The following DRC9 variants were observed in gnomAD, a reference collection of about 807,000 sequenced individuals.
DRC9 encodes dynein regulatory complex subunit 9.
At chr3:197,956,564 T>C in the DRC9 span, 1 of 152,020 alleles carries the variant, frequency 6.6e-6, no homozygotes, top group Non-Finnish European at 1.5e-5. Context: ...CTCCTAAATA[T>C]TTTAGATTTC....
At chr3:197,902,270 A>G in the DRC9 span, among the ~76,000 whole-genome samples, 1 of 152,190 alleles carries the variant, frequency 6.6e-6, no homozygotes, top group Non-Finnish European at 1.5e-5. Context: ...CCCAGACTGC[A>G]AGGACTACAA....
chr3:197,907,082 G>T, the DRC9 span, among the ~76,000 whole-genome samples: 1 of 152,030 alleles, frequency 6.6e-6, no homozygotes, highest in Non-Finnish European at 1.5e-5. Context: ...GGCACTTCAG[G>T]ATCCCATCAC....
chr3:197,920,875 C>T, the DRC9 span, among the ~76,000 whole-genome samples: 1 of 152,132 alleles, frequency 6.6e-6, no homozygotes, highest in Non-Finnish European at 1.5e-5. Flanking sequence ...GTATCTAAGG[C>T]AATTAATCCT....
chr3:197,937,932 C>T, the DRC9 span, among the ~76,000 whole-genome samples: 1 of 151,292 alleles, frequency 6.6e-6, no homozygotes, highest in African/African-American at 2.4e-5. Context: ...GTGACCTCGT[C>T]TCTAAAAAAT....
chr3:197,936,588 C>G, the DRC9 span, among the ~76,000 whole-genome samples: 12 of 152,118 alleles, frequency 7.9e-5, no homozygotes, highest in Non-Finnish European at 1.5e-5. Flanking sequence ...GTTTCAAACT[C>G]TTGGGCTCAA....
At chr3:197,949,990 G>A in the DRC9 span, 1 of 595,950 alleles carries the variant, frequency 1.7e-6, no homozygotes, top group East Asian at 3.5e-5. Context: ...GCCTTCCCTT[G>A]TTCCCAAGTA....
At chr3:197,909,086 G>A in the DRC9 span, among the ~76,000 whole-genome samples, 18 of 152,346 alleles carry the variant, frequency 1.2e-4, 1 homozygote, top group Middle Eastern at 6.8e-3. Context: ...AATCTGAGCA[G>A]GTGTTCTCAT....
chr3:197,905,186 T>C, the DRC9 span, among the ~76,000 whole-genome samples: 3 of 152,180 alleles, frequency 2.0e-5, no homozygotes, highest in African/African-American at 7.2e-5. Flanking sequence ...AGGGCGACCA[T>C]AGTCAATAAT....
the DRC9 span, among the ~76,000 whole-genome samples, chr3:197,955,043 C>T: frequency 3.3e-5 from 5 of 152,212 alleles, no homozygotes; most frequent in East Asian, 1.9e-4. Context: ...TCTCAATTTT[C>T]TCCTGTAATT....
chr3:197,893,817 T>C, the DRC9 span, among the ~76,000 whole-genome samples: 5 of 151,732 alleles, frequency 3.3e-5, no homozygotes, highest in Admixed American at 3.3e-4. Context: ...CACAGCACTC[T>C]AGCCTGGGTG....
At chr3:197,937,313 GT>G in the DRC9 span, among the ~76,000 whole-genome samples, 1 of 152,132 alleles carries the variant, frequency 6.6e-6, no homozygotes, top group Admixed American at 6.5e-5. Flanking sequence ...TTAAAACACA[GT>G]TTGGAATTTG....
At chr3:197,899,420 TA>T in the DRC9 span, among the ~76,000 whole-genome samples, 1 of 152,106 alleles carries the variant, frequency 6.6e-6, no homozygotes, top group Admixed American at 6.5e-5. Context: ...GTGGAATATA[TA>T]AACACAAAGT....
the DRC9 span, chr3:197,950,395 C>A: frequency 9.0e-7 from 1 of 1,114,428 alleles, no homozygotes; most frequent in Non-Finnish European, 1.1e-6. Context: ...GTGTTTGGTC[C>A]CCTGACACCC....
the DRC9 span, chr3:197,949,818 C>A: frequency 2.7e-6 from 1 of 376,026 alleles, no homozygotes; most frequent in Non-Finnish European, 4.7e-6. Context: ...AAGCACCCCA[C>A]TGTTGGCAAA....
chr3:197,924,039 C>CG, the DRC9 span, among the ~76,000 whole-genome samples: 7 of 150,562 alleles, frequency 4.6e-5, no homozygotes, highest in East Asian at 1.4e-3. Context: ...GCCTGAGTGA[C>CG]AGAGTGAAGA....
chr3:197,952,836 C>CTTTT, the DRC9 span, among the ~76,000 whole-genome samples: 1 of 144,226 alleles, frequency 6.9e-6, no homozygotes, highest in African/African-American at 2.5e-5. Flanking sequence ...ATGCTGTAGA[C>CTTTT]TTTTTTTTTT....
the DRC9 span, chr3:197,943,825 T>A: frequency 2.5e-6 from 4 of 1,614,200 alleles, no homozygotes; most frequent in Non-Finnish European, 3.4e-6. Flanking sequence ...ATGATGTAGT[T>A]CAGAATAGAG....
chr3:197,944,511 C>T, the DRC9 span, among the ~76,000 whole-genome samples: 253 of 151,870 alleles, frequency 1.7e-3, no homozygotes, highest in African/African-American at 5.5e-3. Context: ...TGCAGTAGCG[C>T]GATCTTGGCT....
chr3:197,913,341 C>T, the DRC9 span: 750 of 187,542 alleles, frequency 4.0e-3, 11 homozygotes, highest in African/African-American at 0.026. Context: ...TGCGTGCGTG[C>T]GTGCGTGTGT....
Sources: gnomAD v4.1 joint callset for allele counts (sites outside exome capture counted in the v4.1 genomes callset) on GRCh38, gnomAD v4.1.1 for gene constraint, MANE v1.5 for transcripts, NCBI Gene and HGNC (gene_info 2026-07-23, HGNC 2026-07-21) for gene names.